Variants in ITPKB observed in about 807,000 individuals in gnomAD.
ITPKB encodes the protein inositol-trisphosphate 3-kinase B.
ITPKB carries 13 observed loss-of-function variants against 69.4 expected under a neutral mutation model. That is an observed-to-expected ratio of 0.19 (90% CI 0.12 to 0.30). ITPKB has a LOEUF of 0.30. Ranked by LOEUF, ITPKB falls within the 10% of genes least tolerant of loss-of-function variation. The probability of loss-of-function intolerance (pLI) is 1.00; values close to 1 mark genes in which losing one functional copy is unlikely to be tolerated. For missense variants in ITPKB, 1,240 were observed against 1,250.5 expected, an observed-to-expected ratio of 0.99 and a Z score of 0.13; for synonymous variants, 584 against 513.7, an observed-to-expected ratio of 1.14 and a Z score of -1.85.
At chr1:226,680,020 A>G (rs1033680213) in intron 2 of ITPKB, among the ~76,000 whole-genome samples, 2 of 152,250 alleles carry the variant, frequency 1.3e-5, no homozygotes, top group Admixed American at 1.3e-4. Context: ...ACTTTGGCCC[A>G]GCGTCTGCGC....
At chr1:226,666,878 T>C (rs188507436) in intron 2 of ITPKB, among the ~76,000 whole-genome samples, 5 of 152,254 alleles carry the variant, frequency 3.3e-5, no homozygotes, top group Non-Finnish European at 7.4e-5. Context: ...ACACATGGAC[T>C]CTCAAGGGCT....
chr1:226,639,588 C>G lies in ITPKB; in HGVS notation c.2522G>C (p.Arg841Thr). Reference protein sequence around the residue: ...KTREQVTEAFREFTKGNHNIL... With the variant: ...KTREQVTEAFTEFTKGNHNIL... ...GTTATGGTTTCCTTTAGTGAACTCTCTGAAGGCCTCGGTGACCTGCTCCCT... is the reference window on the plus strand; with the variant it reads ...GTTATGGTTTCCTTTAGTGAACTCTGTGAAGGCCTCGGTGACCTGCTCCCT... Residue 841 changes from arginine to threonine, a missense_variant, in exon 6 of 8, where the codon AGA (arginine) becomes ACA (threonine). Arg to Thr is a moderately conservative substitution (Grantham distance 71, BLOSUM62 -1). Around this residue, in one of 2 missense-constraint regions of ITPKB, gnomAD observed 248 missense variants for 396.7 expected, o/e 0.63. Coordinates refer to ENST00000429204, the MANE Select transcript of ITPKB (RefSeq NM_002221.4). 1 of 1,613,558 alleles carries G rather than the reference C, an allele frequency of 6.2e-7. No individual in the cohort carries two copies. Among genetic ancestry groups the G allele is most frequent in the Non-Finnish European group, 8.5e-7 (1 of 1,179,450 alleles).
intron 1 of ITPKB, 49 bp from the exon 2 acceptor site, chr1:226,737,712 G>C (rs1657844225): frequency 3.9e-6 from 2 of 515,290 alleles, no homozygotes; most frequent in South Asian, 1.7e-4. Flanking sequence ...GCGCGCGGGG[G>C]GAGTTGGGGG....
intron 2 of ITPKB, among the ~76,000 whole-genome samples, chr1:226,648,997 T>A (rs1209987813): frequency 6.6e-6 from 1 of 152,174 alleles, no homozygotes; most frequent in Non-Finnish European, 1.5e-5. Context: ...GGAACTCCCC[T>A]GTCCCAAGAG....
intron 2 of ITPKB, chr1:226,657,184 T>C (rs1209867654): frequency 6.6e-6 from 1 of 152,222 alleles, no homozygotes; most frequent in Non-Finnish European, 1.5e-5. Context: ...AGTGAGTCAA[T>C]ATCAGTTTCT....
intron 2 of ITPKB, among the ~76,000 whole-genome samples, chr1:226,715,486 A>G (rs1657073097): frequency 6.6e-6 from 1 of 152,254 alleles, no homozygotes; most frequent in African/African-American, 2.4e-5. Flanking sequence ...AACACACACA[A>G]CCATCCTGGA....
intron 2 of ITPKB, among the ~76,000 whole-genome samples, chr1:226,724,536 T>C (rs1212466684): frequency 1.1e-4 from 16 of 152,198 alleles, no homozygotes; most frequent in Admixed American, 1.0e-3. Flanking sequence ...TTTCCCACAT[T>C]ACCTTGTTTA....
intron 3 of ITPKB, among the ~76,000 whole-genome samples, chr1:226,647,777 G>T (rs78558904): frequency 0.015 from 2,319 of 152,368 alleles, 67 homozygotes; most frequent in African/African-American, 0.053. Context: ...ACCCTGATTG[G>T]ACAGGATTCA....
At chr1:226,692,661 G>A (rs889056058) in intron 2 of ITPKB, among the ~76,000 whole-genome samples, 1 of 152,038 alleles carries the variant, frequency 6.6e-6, no homozygotes, top group Admixed American at 6.6e-5. Context: ...TTTCTGAGCC[G>A]GCCACTAAAA....
chr1:226,699,517 T>G (rs1656582712), intron 2 of ITPKB, among the ~76,000 whole-genome samples: 1 of 152,248 alleles, frequency 6.6e-6, no homozygotes, highest in Non-Finnish European at 1.5e-5. Flanking sequence ...TTTCCTCATC[T>G]GCAAAATAGA....
At chr1:226,676,588 C>T (rs1051624085) in intron 2 of ITPKB, among the ~76,000 whole-genome samples, 1 of 152,160 alleles carries the variant, frequency 6.6e-6, no homozygotes, top group East Asian at 1.9e-4. Context: ...ATTATGGCAA[C>T]CAAGTGAGAA....
chr1:226,680,383 G>A (rs1571855777), intron 2 of ITPKB, among the ~76,000 whole-genome samples: 1 of 152,216 alleles, frequency 6.6e-6, no homozygotes, highest in Admixed American at 6.5e-5. Flanking sequence ...GGGGGAGGTA[G>A]GGAAGCCTGA....
chr1:226,734,450 A>C (rs866508035), intron 2 of ITPKB, among the ~76,000 whole-genome samples: 1 of 152,236 alleles, frequency 6.6e-6, no homozygotes, highest in African/African-American at 2.4e-5. Context: ...GGTACAGTGA[A>C]GAGTATTTGA....
chr1:226,739,147 C>T lies in ITPKB; in HGVS notation c.-312G>A, dbSNP rs1657913267. ...AGTAAAAATGCTCAGAAATTATTTT[C>T]TCACAAGCTATGGAAGACAAAAAAG... On this transcript the variant is annotated 5_prime_UTR_variant, in exon 1 of 8. Coordinates refer to ENST00000429204, the MANE Select transcript of ITPKB (RefSeq NM_002221.4). The T allele has an allele frequency of 1.3e-5, 2 of 152,070 alleles. No individual in the cohort carries two copies. Among genetic ancestry groups the T allele is most frequent in the Admixed American group, 1.3e-4 (2 of 15,268 alleles). The allele number at this position is 152,070 out of a possible 1,614,324, so 9.4% of individuals were successfully genotyped here. A position where few individuals can be genotyped will look rare whatever the true frequency, so the allele number is the denominator to read the frequency against.
intron 2 of ITPKB, among the ~76,000 whole-genome samples, chr1:226,649,324 T>C (rs1200911382): frequency 6.9e-6 from 1 of 144,552 alleles, no homozygotes; most frequent in Non-Finnish European, 1.5e-5. Flanking sequence ...TATGTGTGCA[T>C]GAGTGTGTGC....
At chr1:226,707,610 T>C in intron 2 of ITPKB, 1 of 988,294 alleles carries the variant, frequency 1.0e-6, no homozygotes, top group Non-Finnish European at 1.2e-6. Context: ...GGGGGCTCAA[T>C]GGGGATAAAT....
At chr1:226,711,788 C>T (rs1039945752) in intron 2 of ITPKB, among the ~76,000 whole-genome samples, 5 of 152,084 alleles carry the variant, frequency 3.3e-5, no homozygotes, top group Non-Finnish European at 7.4e-5. Context: ...GCATCCCTCA[C>T]CACCGTGTCC....
At position 226,737,233 on chromosome 1, in the gene ITPKB, G is replaced by A; in HGVS notation, c.226C>T (p.Arg76Trp). The A allele has an allele frequency of 6.4e-7, 1 of 1,560,902 alleles. No individual in the cohort carries two copies. Among genetic ancestry groups the A allele is most frequent in the South Asian group, 1.1e-5 (1 of 88,056 alleles). ...CTATTCAGCCTGCGCCGGCCGCTCC[G>A]CCAGCCCCCGGGGCTCCGGGGCTCC... ...PEEPRSPGGW[R>W]SGRRRLNSSS... Residue 76 changes from arginine to tryptophan, a missense_variant, in exon 2 of 8, where the codon CGG (arginine) becomes TGG (tryptophan). Physicochemically the swap from Arg to Trp is moderately radical, Grantham distance 101. Transcript: ENST00000429204.
chr1:226,736,370 G>A lies in ITPKB; in HGVS notation c.1089C>T (p.Pro363=), dbSNP rs761950979. The change falls in exon 2 of 8, where the codon CCC becomes CCT. Residue 363 remains proline (P), a synonymous_variant. Transcript: ENST00000429204. ...ETSPAPERGG[P]RDGEPPGKMG... ...TCTTCCCAGGGGGTTCTCCATCGCG[G>A]GGCCCGCCCCTTTCTGGGGCTGGGC... 26 of 1,612,236 alleles carry A rather than the reference G, an allele frequency of 1.6e-5. No individual in the cohort carries two copies. Among genetic ancestry groups the A allele is most frequent in the Non-Finnish European group, 2.2e-5 (26 of 1,179,824 alleles).
Sources: gnomAD v4.1 joint callset for allele counts (sites outside exome capture counted in the v4.1 genomes callset) on GRCh38, gnomAD v4.1.1 for gene constraint, gnomAD v4.1.1 regional missense constraint, MANE v1.5 for transcripts, NCBI Gene and HGNC (gene_info 2026-07-23, HGNC 2026-07-21) for gene names.